TMEM94: variants seen among roughly 807,000 people sequenced by gnomAD.
The protein encoded by TMEM94 is transmembrane protein 94, also known as ER Mg2+ ATPase.
Under a neutral mutation model 158.6 loss-of-function variants are expected in TMEM94, and 81 were observed. The observed-to-expected ratio is 0.51, with a 90% CI of 0.43 to 0.61. The LOEUF is 0.61. TMEM94 is among the 20% of genes least tolerant of loss of function. The pLI is 0.00. For missense variants in TMEM94, 1,435 were observed against 1,762.0 expected, an observed-to-expected ratio of 0.81 and a Z score of 3.32; for synonymous variants, 751 against 730.7, an observed-to-expected ratio of 1.03 and a Z score of -0.45.
chr17:75,488,222 C>A, intron 6 of TMEM94, 88 bp downstream of exon 6: 1 of 1,310,724 alleles, frequency 7.6e-7, no homozygotes, highest in Non-Finnish European at 1.1e-6. Flanking sequence ...CATCCGGAAG[C>A]TTCCCGGCCA....
At position 75,498,063 on chromosome 17, in the gene TMEM94, C is replaced by G. The variant is rs756647178; in HGVS notation, c.3490-112C>G. 3.5e-6 allele frequency: 5 copies of G among 1,426,948 alleles called. No homozygotes were observed. The highest frequency in any genetic ancestry group is 4.8e-6 in the Non-Finnish European group (5 of 1,040,010). 88.4% of individuals were successfully genotyped at this position (1,426,948 alleles called of 1,614,324 possible). ...AGACCCTTGCTGGGGCTTGAGCTCC[C>G]TATCCCCCCAGGCCTGACCATTTAC... is the stretch of plus-strand genomic sequence containing the variant. On this transcript the variant is annotated intron_variant, in intron 27 of 31. Coordinates refer to ENST00000314256, the MANE Select transcript of TMEM94 (RefSeq NM_014738.6). The surrounding 1 kb of genome is among the most constrained non-coding windows in gnomAD (Gnocchi z 6.7).
intron 1 of TMEM94, among the ~76,000 whole-genome samples, chr17:75,464,762 G>C (rs1347467970): frequency 6.7e-6 from 1 of 149,744 alleles, no homozygotes; most frequent in Non-Finnish European, 1.5e-5. Context: ...AGGATGGAGT[G>C]CGATGGCATG....
At chr17:75,457,465 C>G (rs781497825) in intron 1 of TMEM94, 2 of 152,204 alleles carry the variant, frequency 1.3e-5, no homozygotes, top group African/African-American at 2.4e-5. Context: ...AGCAAAGCCC[C>G]GCTCTTTCAT....
intron 1 of TMEM94, among the ~76,000 whole-genome samples, chr17:75,469,237 T>C (rs2050411450): frequency 6.6e-6 from 1 of 152,122 alleles, no homozygotes; most frequent in South Asian, 2.1e-4. Flanking sequence ...CAGTGCCTCG[T>C]TCTGGGGATG....
intron 1 of TMEM94, among the ~76,000 whole-genome samples, chr17:75,465,655 T>TATATATATATATATA (rs9302993): frequency 2.5e-4 from 25 of 98,800 alleles, no homozygotes; most frequent in African/African-American, 1.3e-3. Flanking sequence ...ATAAGAATTT[T>TATATATATATATATA]TATATATATA....
intron 2 of TMEM94, among the ~76,000 whole-genome samples, chr17:75,482,517 TA>T (rs2051247063): frequency 8.6e-6 from 1 of 115,926 alleles, no homozygotes; most frequent in Non-Finnish European, 1.8e-5. Flanking sequence ...AATTTAAAAA[TA>T]TATATATATG....
Position 75,497,862 on chromosome 17 carries a change from G to A in TMEM94, c.3489G>A (p.Lys1163=). Residue 1163 remains lysine (K), a splice_region_variant and synonymous_variant, in exon 27 of 32, where the codon AAG becomes AAA. Transcript: ENST00000314256. ...TGKNLQSIPK[K]TQHYFLLCFL... ...AAAACCTCCAGTCCATTCCCAAGAA[G>A]GTAAGCAAAACAGACCCTGTGAGCC... The A allele has an allele frequency of 6.2e-7, 1 of 1,613,360 alleles. No homozygotes were observed. Among genetic ancestry groups the A allele is most frequent in the South Asian group, 1.1e-5 (1 of 91,062 alleles).
Position 75,478,756 on chromosome 17 carries a change from C to T in TMEM94, c.25-6672C>T, listed in dbSNP as rs552329997. Among the ~76,000 whole-genome samples the T allele has an allele frequency of 1.5e-3, 226 of 152,276 alleles. 2 individuals are homozygous for T. The highest frequency in any genetic ancestry group is 4.1e-3 in the African/African-American group (170 of 41,544). On this transcript the variant is annotated intron_variant, in intron 2 of 31. Transcript: ENST00000314256. ...AGTTAAGCCTGAGCAGTGAAAACAGCGGAATGGGGTTTGTTCTGCCTGAAA... is the reference window on the plus strand; with the variant it reads ...AGTTAAGCCTGAGCAGTGAAAACAGTGGAATGGGGTTTGTTCTGCCTGAAA...
chr17:75,473,880 C>T (rs1003158917), intron 2 of TMEM94, among the ~76,000 whole-genome samples: 15 of 152,050 alleles, frequency 9.9e-5, no homozygotes, highest in African/African-American at 3.1e-4. Flanking sequence ...TTTGGGAGGC[C>T]GAGGTAGGCA....
chr17:75,464,514 C>A (rs2050214524), intron 1 of TMEM94, among the ~76,000 whole-genome samples: 1 of 152,014 alleles, frequency 6.6e-6, no homozygotes, highest in South Asian at 2.1e-4. Context: ...GGGGCCTACT[C>A]AGAAACCCAG....
At chr17:75,494,548 G>A (rs1264470557) in intron 18 of TMEM94, 79 bp from the exon 19 acceptor site, 1 of 1,437,384 alleles carries the variant, frequency 7.0e-7, no homozygotes, top group South Asian at 1.3e-5. Flanking sequence ...ATTGATTTGG[G>A]TGTGGCATCT....
chr17:75,463,028 AAAAAAAAAAATATAT>A lies in TMEM94; in HGVS notation c.-107+6279_-107+6293del, dbSNP rs2050134270. On this transcript the variant is annotated intron_variant, in intron 1 of 31. Coordinates refer to ENST00000314256, the MANE Select transcript of TMEM94 (RefSeq NM_014738.6). ...AAAAGTAAAAAAAAAAAAAAAAAAA[AAAAAAAAAAATATAT>A]ATATATATATATATATATATATATA... 2.6e-4 allele frequency among the ~76,000 whole-genome samples: 3 copies of A among 11,650 alleles called. No individual in the cohort carries two copies. The East Asian group carries it at 3.0e-3, about 12-fold the overall frequency. The allele number at this position is 11,650 out of a possible 152,430, so 7.6% of individuals were successfully genotyped here. A position where few individuals can be genotyped will look rare whatever the true frequency, so the allele number is the denominator to read the frequency against.
At chr17:75,474,943 G>A (rs1354751003) in intron 2 of TMEM94, among the ~76,000 whole-genome samples, 1 of 152,162 alleles carries the variant, frequency 6.6e-6, no homozygotes, top group Non-Finnish European at 1.5e-5. Flanking sequence ...GCTGAGGTGG[G>A]TAGTGTAGGA....
chr17:75,485,647 G>A lies in TMEM94; in HGVS notation c.144+100G>A. On this transcript the variant is annotated intron_variant, in intron 3 of 31. Coordinates refer to ENST00000314256, the MANE Select transcript of TMEM94 (RefSeq NM_014738.6). The surrounding 1 kb of genome is among the most constrained non-coding windows in gnomAD (Gnocchi z 5.5). ...CTGATGTACCCTGTCACCCTGGACAGTGTGACCCAACTGAGGCCTCATGAA... is the reference window on the plus strand; with the variant it reads ...CTGATGTACCCTGTCACCCTGGACAATGTGACCCAACTGAGGCCTCATGAA... 4 of 1,525,666 alleles carry A rather than the reference G, an allele frequency of 2.6e-6. No individual in the cohort carries two copies. Among genetic ancestry groups the A allele is most frequent in the Admixed American group, 3.5e-5 (2 of 56,388 alleles). 94.5% of individuals were successfully genotyped at this position (1,525,666 alleles called of 1,614,324 possible).
chr17:75,492,008 C>A lies in TMEM94; in HGVS notation c.1596+108C>A. 1 of 1,170,924 alleles carries A rather than the reference C, an allele frequency of 8.5e-7. No individual in the cohort carries two copies. Among genetic ancestry groups the A allele is most frequent in the Non-Finnish European group, 1.2e-6 (1 of 821,556 alleles). The allele number at this position is 1,170,924 out of a possible 1,614,324, so 72.5% of individuals were successfully genotyped here. On this transcript the variant is annotated intron_variant, in intron 14 of 31. Transcript: ENST00000314256. The surrounding 1 kb of genome is among the most constrained non-coding windows in gnomAD (Gnocchi z 4.4). ...GTCTGAAAGAGCAGGCGTCTCTGCCCTCTGTCCCAGCACCTCCAGGCTAGG... is the reference window on the plus strand; with the variant it reads ...GTCTGAAAGAGCAGGCGTCTCTGCCATCTGTCCCAGCACCTCCAGGCTAGG...
At position 75,491,524 on chromosome 17, in the gene TMEM94, G is replaced by C. The variant is rs1255914537; in HGVS notation, c.1386+69G>C. 6.2e-7 allele frequency: 1 copy of C among 1,607,962 alleles called. No homozygotes were observed. Among genetic ancestry groups the C allele is most frequent in the Non-Finnish European group, 8.5e-7 (1 of 1,175,802 alleles). On this transcript the variant is annotated intron_variant, in intron 13 of 31. Coordinates refer to ENST00000314256, the MANE Select transcript of TMEM94 (RefSeq NM_014738.6). This position sits in a 1 kb window ranked among gnomAD's most constrained non-coding sequence, Gnocchi z 5.1. The stretch of plus-strand genomic sequence containing the variant: ...GCCAGGCTGTTTAGCCTTGGAGCCT[G>C]GCCAGGGAGGGTGAGGTTTCGGAGG...
At chr17:75,496,522 G>C in intron 24 of TMEM94, 51 bp downstream of exon 24, 1 of 1,580,514 alleles carries the variant, frequency 6.3e-7, no homozygotes, top group Non-Finnish European at 8.6e-7. Context: ...GGACCCGCCT[G>C]GGGTGGGAGT....
At position 75,493,000 on chromosome 17, in the gene TMEM94, G is replaced by A. The variant is rs562023967; in HGVS notation, c.1984G>A (p.Glu662Lys). 5.8e-5 allele frequency: 94 copies of A among 1,613,802 alleles called. No individual in the cohort carries two copies. Among genetic ancestry groups the A allele is most frequent in the Non-Finnish European group, 7.3e-5 (86 of 1,180,024 alleles). The change falls in exon 16 of 32, where the codon GAG becomes AAG. Residue 662 changes from glutamate (E) to lysine (K), a missense_variant. This residue lies in a region of TMEM94 where 1,051 missense variants were observed against 1,254.4 expected (regional missense o/e 0.84). Transcript: ENST00000314256. This position sits in a 1 kb window ranked among gnomAD's most constrained non-coding sequence, Gnocchi z 4.4. Reference sequence around the variant, plus strand: ...GGCGCTGTACCGCCTCCCCAGTGCCGAGACAATGAAGGAGACATCGCTGGG... The same window carrying A: ...GGCGCTGTACCGCCTCCCCAGTGCCAAGACAATGAAGGAGACATCGCTGGG... ...HLALYRLPSAETMKETSLGRL... is the reference protein window; with the variant it reads ...HLALYRLPSAKTMKETSLGRL...
At chr17:75,463,979 C>T (rs1292749162) in intron 1 of TMEM94, among the ~76,000 whole-genome samples, 1 of 152,172 alleles carries the variant, frequency 6.6e-6, no homozygotes, top group African/African-American at 2.4e-5. Context: ...CACCTAACCG[C>T]ATTTTTGGTG....
Sources: gnomAD v4.1 joint callset for allele counts (sites outside exome capture counted in the v4.1 genomes callset) on GRCh38, gnomAD v4.1.1 for gene constraint, gnomAD v4.1.1 regional missense constraint, Gnocchi (gnomAD v3.1) non-coding constraint, MANE v1.5 for transcripts, NCBI Gene and HGNC (gene_info 2026-07-23, HGNC 2026-07-21) for gene names.